Variants in HMGXB4 observed in about 807,000 individuals in gnomAD.
HMGXB4 encodes HMG domain-containing protein 4.
Under a neutral mutation model 63.9 loss-of-function variants are expected in HMGXB4, and 27 were observed. The observed-to-expected ratio is 0.42, with a 90% CI of 0.31 to 0.58. The LOEUF is 0.58. HMGXB4 is among the 20% of genes least tolerant of loss of function. The pLI is 0.13. For missense variants in HMGXB4, 624 were observed against 700.7 expected, an observed-to-expected ratio of 0.89 and a Z score of 1.24; for synonymous variants, 264 against 265.3, an observed-to-expected ratio of 0.99 and a Z score of 0.05.
At position 35,288,380 on chromosome 22, in the gene HMGXB4, C is replaced by T. The variant is rs1412200660; in HGVS notation, c.1611C>T (p.Leu537=). The change falls in exon 9 of 11, where the codon CTC becomes CTT. Residue 537 remains leucine, a synonymous_variant. Transcript: ENST00000216106. ...HLQLLGESLS[L]IGHRLQETEG... ...AGCTGTTGGGAGAGTCCCTAAGCCT[C>T]ATTGGACACCGTCTGCAGGAAACTG... 3 of 1,605,562 alleles carry T rather than the reference C, an allele frequency of 1.9e-6. No individual in the cohort carries two copies. The highest frequency in any genetic ancestry group is 1.3e-5 in the African/African-American group (1 of 74,744).
chr22:35,277,891 G>T (rs1924008140), intron 5 of HMGXB4, among the ~76,000 whole-genome samples: 1 of 151,972 alleles, frequency 6.6e-6, no homozygotes, highest in Non-Finnish European at 1.5e-5. Context: ...TTTACATTGG[G>T]GCTCCCTCTT....
At chr22:35,242,491 T>C in the HMGXB4 span, among the ~76,000 whole-genome samples, 3 of 152,160 alleles carry the variant, frequency 2.0e-5, no homozygotes, top group Non-Finnish European at 4.4e-5. Context: ...GCAAGGTCTG[T>C]AGTGATATCT....
rs565995015 is a variant in HMGXB4 at position 35,263,869 on chromosome 22, A to G, written c.254A>G (p.Tyr85Cys). 86 of 1,612,910 alleles carry G rather than the reference A, an allele frequency of 5.3e-5. No individual in the cohort carries two copies. In the Admixed American group the frequency reaches 5.7e-4, roughly 11 times the overall value. Residue 85 changes from tyrosine (Y) to cysteine (C), a missense_variant, in exon 4 of 11, where the codon TAT becomes TGT. This residue lies in a region of HMGXB4 where 472 missense variants were observed against 470.6 expected (regional missense o/e 1.00). Transcript: ENST00000216106. ...AAGCACTCCTCTGATGATTACTACT[A>G]TGGAGGTGAGGATGGGAATGGGCAA... is the stretch of plus-strand genomic sequence containing the variant. ...KRKHSSDDYY[Y>C]GDISSLESSQ...
At chr22:35,281,177 T>C (rs1018358800) in intron 5 of HMGXB4, among the ~76,000 whole-genome samples, 3 of 152,238 alleles carry the variant, frequency 2.0e-5, no homozygotes, top group East Asian at 3.8e-4. Flanking sequence ...CTATCACATA[T>C]TAGAAAAGCT....
intron 5 of HMGXB4, among the ~76,000 whole-genome samples, chr22:35,279,862 G>A (rs570963214): frequency 6.6e-6 from 1 of 151,960 alleles, no homozygotes; most frequent in East Asian, 1.9e-4. Context: ...GTATTCTTTC[G>A]CTAATGCCAC....
chr22:35,277,152 A>G (rs1923959187), intron 5 of HMGXB4, among the ~76,000 whole-genome samples: 4 of 152,342 alleles, frequency 2.6e-5, no homozygotes, highest in South Asian at 4.1e-4. Flanking sequence ...CAAGGCGTCC[A>G]GTAGAGCCAG....
intron 5 of HMGXB4, among the ~76,000 whole-genome samples, chr22:35,283,232 G>T (rs1191145667): frequency 6.6e-6 from 1 of 152,198 alleles, no homozygotes; most frequent in African/African-American, 2.4e-5. Context: ...AACCAGAGAA[G>T]CAAAAAGAAC....
intron 8 of HMGXB4, 152 bp from the exon 9 acceptor site, chr22:35,288,086 A>C (rs1924703617): frequency 2.0e-6 from 1 of 493,772 alleles, no homozygotes; most frequent in Non-Finnish European, 3.4e-6. Context: ...GGCCATAAAA[A>C]ACAAGAGACC....
At chr22:35,269,250 C>T (rs948262662) in intron 5 of HMGXB4, among the ~76,000 whole-genome samples, 2 of 152,128 alleles carry the variant, frequency 1.3e-5, no homozygotes, top group Non-Finnish European at 2.9e-5. Flanking sequence ...TGGTGGCATG[C>T]GCCTGTAATC....
At chr22:35,263,676 T>C in intron 3 of HMGXB4, 120 bp from the exon 4 acceptor site, 2 of 706,102 alleles carry the variant, frequency 2.8e-6, no homozygotes, top group Non-Finnish European at 5.1e-6. Flanking sequence ...GTTATGCACA[T>C]CTATTTTTAT....
chr22:35,259,167 C>T (rs1922674107), intron 1 of HMGXB4, among the ~76,000 whole-genome samples: 4 of 152,212 alleles, frequency 2.6e-5, no homozygotes, highest in Middle Eastern at 3.4e-3. Flanking sequence ...GAAAAGTCCC[C>T]GAAGAGCTAT....
intron 1 of HMGXB4, among the ~76,000 whole-genome samples, chr22:35,259,274 A>G (rs960230824): frequency 6.6e-6 from 1 of 152,198 alleles, no homozygotes; most frequent in African/African-American, 2.4e-5. Context: ...TTATGTTGTC[A>G]TATCTTAGCA....
At chr22:35,279,677 CTTTTTT>C (rs35564206) in intron 5 of HMGXB4, among the ~76,000 whole-genome samples, 1,264 of 55,162 alleles carry the variant, frequency 0.023, 23 homozygotes, top group African/African-American at 0.065. Flanking sequence ...GTCTAGATTC[CTTTTTT>C]TTTTTTTTTT....
At chr22:35,241,978 G>T in the HMGXB4 span, among the ~76,000 whole-genome samples, 1 of 152,154 alleles carries the variant, frequency 6.6e-6, no homozygotes, top group African/African-American at 2.4e-5. Context: ...TACTAAGGAT[G>T]TTTGTGCCTA....
At position 35,265,380 on chromosome 22, in the gene HMGXB4, A is replaced by G. The variant is rs190257561; in HGVS notation, c.992A>G (p.Lys331Arg). The G allele has an allele frequency of 1.2e-5, 19 of 1,614,128 alleles. No individual in the cohort carries two copies. The Admixed American group carries it at 2.5e-4, about 21-fold the overall frequency. ...AAGAAGAGCAAAAAGAAGAAAGACAAGGAGAAGCATAAAGAGAAGCGACAC... is the reference window on the plus strand; with the variant it reads ...AAGAAGAGCAAAAAGAAGAAAGACAGGGAGAAGCATAAAGAGAAGCGACAC... ...KSKKSKKKKD[K>R]EKHKEKRHSK... The change falls in exon 5 of 11, where the codon AAG (lysine) becomes AGG (arginine). Residue 331 changes from lysine (K) to arginine (R), a missense_variant. By Grantham distance (26) the Lys-to-Arg change is conservative (BLOSUM62 2). Transcript: ENST00000216106.
At chr22:35,276,369 A>G (rs964326220) in intron 5 of HMGXB4, among the ~76,000 whole-genome samples, 1 of 152,188 alleles carries the variant, frequency 6.6e-6, no homozygotes, top group African/African-American at 2.4e-5. Flanking sequence ...CATTTTTTAA[A>G]TTACCTTAGC....
chr22:35,284,078 T>TC, intron 6 of HMGXB4, 35 bp downstream of exon 6: 1 of 1,396,096 alleles, frequency 7.2e-7, no homozygotes, highest in Non-Finnish European at 1.0e-6. Context: ...GCTTTTGCTT[T>TC]CCATTTATAT....
chr22:35,287,675 G>T lies in HMGXB4; in HGVS notation c.1468+223G>T, dbSNP rs1327733468. The stretch of plus-strand genomic sequence containing the variant: ...TAAAGGTCCAGAGAGTAGACCAGGC[G>T]CAGTGGCTCATGCCTGTAATCCTAG... On this transcript the variant is annotated intron_variant, in intron 8 of 10. Transcript: ENST00000216106. Among the ~76,000 whole-genome samples the T allele has an allele frequency of 2.0e-5, 3 of 151,692 alleles. No individual in the cohort carries two copies. The East Asian group carries it at 5.8e-4, about 29-fold the overall frequency.
chr22:35,273,714 A>G lies in HMGXB4; in HGVS notation c.1215+8111A>G, dbSNP rs984535477. 4.6e-5 allele frequency among the ~76,000 whole-genome samples: 7 copies of G among 152,356 alleles called. No individual in the cohort carries two copies. In the East Asian group the frequency reaches 1.3e-3, roughly 29 times the overall value. On this transcript the variant is annotated intron_variant, in intron 5 of 10. Transcript: ENST00000216106. ...ACCTTTAGGAACCAAATCTGTGATTACATCACATATTTGGAAAATAGTTAA... is the reference window on the plus strand; with the variant it reads ...ACCTTTAGGAACCAAATCTGTGATTGCATCACATATTTGGAAAATAGTTAA...
Sources: allele counts gnomAD v4.1 joint callset (sites outside exome capture counted in the v4.1 genomes callset), GRCh38; gene constraint gnomAD v4.1.1; regional missense constraint gnomAD v4.1.1; transcripts MANE v1.5; gene names NCBI Gene and HGNC (gene_info 2026-07-23, HGNC 2026-07-21).